The following FAM171A1 variants were observed in gnomAD, a reference collection of about 807,000 sequenced individuals.
The protein encoded by FAM171A1 is protein FAM171A1.
A neutral mutation model predicts 74.9 loss-of-function variants in FAM171A1; 23 were observed. The ratio of observed to expected loss-of-function variants is 0.31; its 90% CI spans 0.22 to 0.44. The LOEUF (loss-of-function observed/expected upper bound fraction) is 0.44, where lower values mean the gene tolerates loss of function less well. Ranked by LOEUF, FAM171A1 falls within the 20% of genes least tolerant of loss-of-function variation. FAM171A1 has a pLI of 1.00. For synonymous variants in FAM171A1, 527 were observed against 505.7 expected (o/e 1.04, Z -0.57); for missense variants, 1,162 against 1,159.2 (o/e 1.00, Z -0.03).
intron 1 of FAM171A1, among the ~76,000 whole-genome samples, chr10:15,359,413 T>C (rs1367791130): frequency 6.6e-6 from 1 of 152,164 alleles, no homozygotes; most frequent in Non-Finnish European, 1.5e-5. Flanking sequence ...GGAAGTCACT[T>C]GTCCAGAACC....
At chr10:15,245,474 A>G (rs1297832042) in intron 5 of FAM171A1, among the ~76,000 whole-genome samples, 1 of 152,232 alleles carries the variant, frequency 6.6e-6, no homozygotes, top group Non-Finnish European at 1.5e-5. Flanking sequence ...CAATTGTGTG[A>G]GCCATTCCTT....
intron 3 of FAM171A1, among the ~76,000 whole-genome samples, chr10:15,270,923 G>C (rs1471069304): frequency 2.0e-5 from 3 of 152,138 alleles, no homozygotes; most frequent in Non-Finnish European, 2.9e-5. Context: ...ACAAAGATGG[G>C]GAGAAACCAG....
At chr10:15,244,246 T>C (rs966366455) in intron 5 of FAM171A1, among the ~76,000 whole-genome samples, 1 of 152,174 alleles carries the variant, frequency 6.6e-6, no homozygotes, top group Admixed American at 6.5e-5. Flanking sequence ...TCCCAGCTAC[T>C]TGGGAGGCTG....
At chr10:15,319,999 G>A (rs1366470119) in intron 1 of FAM171A1, among the ~76,000 whole-genome samples, 2 of 152,144 alleles carry the variant, frequency 1.3e-5, no homozygotes, top group Non-Finnish European at 2.9e-5. Flanking sequence ...AGGGGTTTGT[G>A]ACATGAGTAA....
chr10:15,338,970 C>G (rs1467134451), intron 1 of FAM171A1, among the ~76,000 whole-genome samples: 1 of 152,154 alleles, frequency 6.6e-6, no homozygotes, highest in Non-Finnish European at 1.5e-5. Context: ...AACTCCTGAC[C>G]TCAAGTGATC....
rs1332482519 is a variant in FAM171A1, at chr10:15,213,650, C to G, written c.1938G>C (p.Gln646His). ...CCCGGGTGCCCGCATCCTGCAGGTG[C>G]TGCTGAGAGATGGCCTGGGAAGACA... ...QPLSSQAISQ[Q>H]HLQDAGTREW... is the part of the protein sequence containing the mutation. The change falls in exon 8 of 8, where the codon CAG becomes CAC. Residue 646 changes from glutamine to histidine, a missense_variant. Coordinates refer to ENST00000378116, the MANE Select transcript of FAM171A1 (RefSeq NM_001010924.2). This position sits in a 1 kb window ranked among gnomAD's most constrained non-coding sequence, Gnocchi z 6.8. 1 of 1,613,964 alleles carries G rather than the reference C, an allele frequency of 6.2e-7. No homozygotes were observed. Among genetic ancestry groups the G allele is most frequent in the East Asian group, 2.2e-5 (1 of 44,866 alleles).
chr10:15,275,748 C>G, intron 3 of FAM171A1, 107 bp downstream of exon 3: 1 of 659,934 alleles, frequency 1.5e-6, no homozygotes, highest in Non-Finnish European at 2.4e-6. Flanking sequence ...TTGATTTAAT[C>G]AATCCACCTT....
At chr10:15,217,234 C>T (rs1833978530) in intron 6 of FAM171A1, among the ~76,000 whole-genome samples, 1 of 152,176 alleles carries the variant, frequency 6.6e-6, no homozygotes, top group Admixed American at 6.5e-5. Flanking sequence ...TCAGCGACAA[C>T]AAAAACCTCC....
At chr10:15,223,639 C>T (rs967185458) in intron 5 of FAM171A1, among the ~76,000 whole-genome samples, 6 of 152,212 alleles carry the variant, frequency 3.9e-5, no homozygotes, top group Non-Finnish European at 5.9e-5. Context: ...TGGCTCATGC[C>T]TGTAATCCCA....
chr10:15,218,310 AC>A (rs1267401518), intron 6 of FAM171A1, among the ~76,000 whole-genome samples: 1 of 151,906 alleles, frequency 6.6e-6, no homozygotes, highest in Non-Finnish European at 1.5e-5. Flanking sequence ...TGATCTCCTG[AC>A]CTCATGATTC....
chr10:15,273,447 G>A (rs890436126), intron 3 of FAM171A1, among the ~76,000 whole-genome samples: 7 of 152,106 alleles, frequency 4.6e-5, no homozygotes, highest in Non-Finnish European at 8.8e-5. Flanking sequence ...ATTCACAGAC[G>A]AATTCTACAA....
intron 2 of FAM171A1, among the ~76,000 whole-genome samples, chr10:15,279,456 G>A (rs1184664121): frequency 1.3e-5 from 2 of 152,134 alleles, no homozygotes; most frequent in African/African-American, 4.8e-5. Context: ...GGGTAGTGCT[G>A]CTTTTTTCCC....
intron 1 of FAM171A1, among the ~76,000 whole-genome samples, chr10:15,314,469 T>C (rs1402694846): frequency 1.3e-5 from 2 of 152,092 alleles, no homozygotes; most frequent in Non-Finnish European, 2.9e-5. Flanking sequence ...TCAAGTCCAT[T>C]GTATAAGGAA....
At chr10:15,299,369 A>C (rs529981360) in intron 1 of FAM171A1, among the ~76,000 whole-genome samples, 1 of 152,344 alleles carries the variant, frequency 6.6e-6, no homozygotes, top group South Asian at 2.1e-4. Flanking sequence ...GATCTGTTGG[A>C]AGGCACCAGT....
intron 5 of FAM171A1, among the ~76,000 whole-genome samples, chr10:15,232,885 A>C (rs752867919): frequency 2.0e-5 from 3 of 152,268 alleles, no homozygotes; most frequent in Non-Finnish European, 2.9e-5. Context: ...TTTCTGATAA[A>C]GACGGGAGTC....
At position 15,275,879 on chromosome 10, in the gene FAM171A1, C is replaced by A; in HGVS notation, c.394G>T (p.Val132Phe). ...SATLMVYEDV[V>F]QIVSGFQGAR... ...CCTTGGAATCCTGATACTATTTGGACGACATCTTCATATACCATTAGAGTG... is the reference window on the plus strand; with the variant it reads ...CCTTGGAATCCTGATACTATTTGGAAGACATCTTCATATACCATTAGAGTG... The change falls in exon 3 of 8, where the codon GTC becomes TTC. Residue 132 changes from valine to phenylalanine, a missense_variant. Val to Phe is a conservative substitution (Grantham distance 50). Transcript: ENST00000378116. 6.2e-7 allele frequency: 1 copy of A among 1,610,734 alleles called. No individual in the cohort carries two copies.
intron 5 of FAM171A1, 54 bp downstream of exon 5, chr10:15,248,585 A>G: frequency 1.3e-6 from 2 of 1,525,918 alleles, no homozygotes; most frequent in South Asian, 2.6e-5. Flanking sequence ...AAGGAAAACC[A>G]AACAGTAACG....
At chr10:15,258,097 G>A (rs895791405) in intron 3 of FAM171A1, among the ~76,000 whole-genome samples, 5 of 151,926 alleles carry the variant, frequency 3.3e-5, no homozygotes, top group Non-Finnish European at 7.4e-5. Context: ...GTCTTGCTCT[G>A]TTGCCCAGGC....
At chr10:15,359,760 G>A (rs1029630137) in intron 1 of FAM171A1, among the ~76,000 whole-genome samples, 1 of 152,174 alleles carries the variant, frequency 6.6e-6, no homozygotes, top group Admixed American at 6.5e-5. Flanking sequence ...GGACATGCAG[G>A]AGGCCTGGAT....
Sources: allele counts gnomAD v4.1 joint callset (sites outside exome capture counted in the v4.1 genomes callset), GRCh38; gene constraint gnomAD v4.1.1; non-coding constraint Gnocchi (gnomAD v3.1); transcripts MANE v1.5; gene names NCBI Gene and HGNC (gene_info 2026-07-23, HGNC 2026-07-21).